The following KCNMA1 variants were observed in gnomAD, a reference collection of about 807,000 sequenced individuals.
KCNMA1 encodes the protein potassium calcium-activated channel subfamily M alpha 1, also known as Calcium-activated potassium channel subunit alpha-1.
Under a neutral mutation model 140.0 loss-of-function variants are expected in KCNMA1, and 29 were observed. That is an observed-to-expected ratio of 0.21 (90% CI 0.15 to 0.28). KCNMA1 has a LOEUF of 0.28. Among genes scored for constraint, KCNMA1 ranks in the 10% least tolerant of loss-of-function variants. KCNMA1 has a pLI of 1.00. For missense variants in KCNMA1, 880 were observed against 1,602.2 expected (o/e 0.55, Z 7.70); for synonymous variants, 612 against 611.9 (o/e 1.00, Z 0.00).
chr10:77,178,577 T>C (rs1421498031), intron 5 of KCNMA1, among the ~76,000 whole-genome samples: 1 of 152,058 alleles, frequency 6.6e-6, no homozygotes, highest in Non-Finnish European at 1.5e-5. Context: ...TGGTGGCAAG[T>C]GCCTGTAATC....
intron 15 of KCNMA1, among the ~76,000 whole-genome samples, chr10:77,038,019 A>T (rs1257331100): frequency 6.6e-6 from 1 of 152,176 alleles, no homozygotes; most frequent in African/African-American, 2.4e-5. Flanking sequence ...CGAATCAATT[A>T]CCTATTCACT....
intron 10 of KCNMA1, among the ~76,000 whole-genome samples, chr10:77,087,301 T>G (rs2096713957): frequency 6.6e-6 from 1 of 152,152 alleles, no homozygotes; most frequent in Non-Finnish European, 1.5e-5. Flanking sequence ...ATGAGCCAAT[T>G]CTTCCTAATA....
intron 1 of KCNMA1, among the ~76,000 whole-genome samples, chr10:77,577,445 C>T (rs139789857): frequency 2.8e-4 from 42 of 152,164 alleles, no homozygotes; most frequent in Admixed American, 8.5e-4. Flanking sequence ...CGGGAGAGAC[C>T]GAGACTCAGC....
At chr10:77,314,535 T>C (rs1354248512) in intron 2 of KCNMA1, among the ~76,000 whole-genome samples, 2 of 152,190 alleles carry the variant, frequency 1.3e-5, no homozygotes, top group African/African-American at 4.8e-5. Context: ...GCAGGAATAG[T>C]TCTAGTTATC....
At chr10:77,415,955 G>A (rs1320044531) in intron 1 of KCNMA1, among the ~76,000 whole-genome samples, 4 of 152,222 alleles carry the variant, frequency 2.6e-5, no homozygotes, top group African/African-American at 9.6e-5. Flanking sequence ...AATGACAATG[G>A]TGGCAGAGCT....
At position 77,636,465 on chromosome 10, in the gene KCNMA1, G is replaced by A. The variant is rs751757993; in HGVS notation, c.378+800C>T. On this transcript the variant is annotated intron_variant, in intron 1 of 27. Coordinates refer to ENST00000286628, the MANE Select transcript of KCNMA1 (RefSeq NM_001161352.2). ...AAACCGCGGCCTCAGGCGGACTCCC[G>A]CTCCAGCTCCGCGCTGCTGGTGGCA... 6 of 1,536,204 alleles carry A rather than the reference G, an allele frequency of 3.9e-6. 1 individual carries two copies. The South Asian group carries it at 5.9e-5, about 15-fold the overall frequency.
chr10:76,992,041 C>G (rs1410273890), intron 19 of KCNMA1, among the ~76,000 whole-genome samples: 1 of 152,176 alleles, frequency 6.6e-6, no homozygotes, highest in Non-Finnish European at 1.5e-5. Context: ...ATTCCATTTT[C>G]TATTTGCATA....
intron 5 of KCNMA1, among the ~76,000 whole-genome samples, chr10:77,141,617 T>A (rs1400019336): frequency 6.6e-6 from 1 of 152,208 alleles, no homozygotes; most frequent in Non-Finnish European, 1.5e-5. Flanking sequence ...ATCTCTGTTA[T>A]TTCAGCCACC....
intron 23 of KCNMA1, among the ~76,000 whole-genome samples, chr10:76,934,947 A>C (rs536089657): frequency 6.6e-6 from 1 of 152,350 alleles, no homozygotes; most frequent in East Asian, 1.9e-4. Context: ...TCACAAAGAA[A>C]GTAACAGCTA....
intron 25 of KCNMA1, among the ~76,000 whole-genome samples, chr10:76,892,565 A>G (rs1348205076): frequency 6.6e-6 from 1 of 152,232 alleles, no homozygotes; most frequent in Admixed American, 6.5e-5. Flanking sequence ...GCAGGCTAAA[A>G]AACTCAAATC....
downstream of KCNMA1, among the ~76,000 whole-genome samples, chr10:76,881,277 A>G (rs1313473658): frequency 6.6e-6 from 1 of 152,220 alleles, no homozygotes; most frequent in Non-Finnish European, 1.5e-5. Flanking sequence ...ACAAGTTATT[A>G]GCAAATTTAT....
chr10:77,515,173 T>C (rs2049946272), intron 1 of KCNMA1, among the ~76,000 whole-genome samples: 1 of 152,074 alleles, frequency 6.6e-6, no homozygotes, highest in South Asian at 2.1e-4. Context: ...AGCCAGCCTG[T>C]TACGGTGAGT....
chr10:77,609,037 G>T (rs746755695), intron 1 of KCNMA1, among the ~76,000 whole-genome samples: 67 of 152,124 alleles, frequency 4.4e-4, no homozygotes, highest in Non-Finnish European at 9.0e-4. Flanking sequence ...CAGTATGGAG[G>T]TTCCTCAGAA....
chr10:77,112,325 T>G, intron 7 of KCNMA1, 42 bp downstream of exon 7: 1 of 1,406,746 alleles, frequency 7.1e-7, no homozygotes, highest in Non-Finnish European at 1.0e-6. Flanking sequence ...GAGGGTCTTG[T>G]TGCAGGCAAG....
intron 25 of KCNMA1, among the ~76,000 whole-genome samples, chr10:76,908,157 T>C (rs1190520644): frequency 6.6e-6 from 1 of 152,224 alleles, no homozygotes; most frequent in Non-Finnish European, 1.5e-5. Context: ...GAAACTGGAT[T>C]TGCAGAATAT....
At chr10:77,386,258 C>G (rs1369156329) in intron 2 of KCNMA1, among the ~76,000 whole-genome samples, 2 of 152,340 alleles carry the variant, frequency 1.3e-5, no homozygotes, top group Non-Finnish European at 2.9e-5. Context: ...GACAAAGAAT[C>G]CTGGCCACCT....
intron 14 of KCNMA1, among the ~76,000 whole-genome samples, chr10:77,047,420 T>C (rs1477607215): frequency 6.6e-6 from 1 of 152,176 alleles, no homozygotes; most frequent in East Asian, 1.9e-4. Flanking sequence ...GAATACATGG[T>C]ATTTTCCCTC....
At chr10:77,361,367 A>G (rs768617217) in intron 2 of KCNMA1, among the ~76,000 whole-genome samples, 1 of 152,196 alleles carries the variant, frequency 6.6e-6, no homozygotes, top group African/African-American at 2.4e-5. Flanking sequence ...CCTAAAGTAG[A>G]ACAAGACTAG....
intron 6 of KCNMA1, among the ~76,000 whole-genome samples, chr10:77,118,276 C>A (rs2153931235): frequency 6.6e-6 from 1 of 152,294 alleles, no homozygotes. Flanking sequence ...GTCCAAAACC[C>A]TACAAAAGCC....
Sources: allele counts gnomAD v4.1 joint callset (sites outside exome capture counted in the v4.1 genomes callset), GRCh38; gene constraint gnomAD v4.1.1; transcripts MANE v1.5; gene names NCBI Gene and HGNC (gene_info 2026-07-23, HGNC 2026-07-21).